PSMA3: variants seen among roughly 807,000 people sequenced by gnomAD.
PSMA3 encodes the protein proteasome subunit alpha type-3.
PSMA3 carries 8 observed loss-of-function variants against 40.0 expected under a neutral mutation model. That is an observed-to-expected ratio of 0.20 (90% CI 0.12 to 0.36). The LOEUF is 0.36. PSMA3 is among the 10% of genes least tolerant of loss of function. PSMA3 has a pLI of 1.00. For missense variants in PSMA3, 219 were observed against 310.6 expected, an observed-to-expected ratio of 0.70 and a Z score of 2.22; for synonymous variants, 110 against 100.0, an observed-to-expected ratio of 1.10 and a Z score of -0.59.
Position 58,257,733 on chromosome 14 carries a change from C to CA in PSMA3, c.229-12_229-11insA, listed in dbSNP as rs1566640513. On this transcript the variant is annotated splice_polypyrimidine_tract_variant and intron_variant, in intron 3 of 10. Coordinates refer to ENST00000216455, the MANE Select transcript of PSMA3 (RefSeq NM_002788.4). The stretch of plus-strand genomic sequence containing the variant: ...AATGTGTTCCTCTAGTAAATTGGTG[C>CA]TTTTTTTTCAGGCAGTAGCAGGTTT... 8 of 1,596,862 alleles carry CA rather than the reference C, an allele frequency of 5.0e-6. No homozygotes were observed.
intron 8 of PSMA3, chr14:58,268,903 G>A (rs535060972): frequency 3.9e-5 from 6 of 151,936 alleles, no homozygotes; most frequent in African/African-American, 1.4e-4. Flanking sequence ...CATAGTATTA[G>A]ATAAAGCTAT....
At chr14:58,268,176 C>T (rs1323227259) in intron 8 of PSMA3, 1 of 152,106 alleles carries the variant, frequency 6.6e-6, no homozygotes. Flanking sequence ...TTCTCTAGAT[C>T]AAAGAGTGTA....
intron 3 of PSMA3, among the ~76,000 whole-genome samples, chr14:58,253,698 A>G (rs1201350691): frequency 2.0e-5 from 3 of 152,084 alleles, no homozygotes; most frequent in Non-Finnish European, 2.9e-5. Flanking sequence ...GGTTCAAGCA[A>G]TTCTCCTGCC....
chr14:58,255,614 C>T (rs2140084993), intron 3 of PSMA3, among the ~76,000 whole-genome samples: 1 of 152,256 alleles, frequency 6.6e-6, no homozygotes, highest in Middle Eastern at 3.4e-3. Flanking sequence ...ACTAAAAACA[C>T]AAAAATTAGC....
At chr14:58,261,108 TAAA>T (rs113018196) in intron 6 of PSMA3, 88 bp downstream of exon 6, 3 of 898,448 alleles carry the variant, frequency 3.3e-6, no homozygotes, top group African/African-American at 3.6e-5. Flanking sequence ...TATATGAAAT[TAAA>T]AAAAAACTCA....
rs1454925582 is a variant in PSMA3 at position 58,270,441 on chromosome 14, T to A, written c.614T>A (p.Val205Asp). The part of the protein sequence containing the change: ...AKIIYIVHDE[V>D]KDKAFELELS... Reference sequence around the variant, plus strand: ...AGAATTTACATAGTACATGACGAAGTTAAGGATAAAGCTTTTGAACTAGAA... The same window carrying A: ...AGAATTTACATAGTACATGACGAAGATAAGGATAAAGCTTTTGAACTAGAA... The change falls in exon 9 of 11, where the codon GTT becomes GAT. Residue 205 changes from valine (V) to aspartate (D), a missense_variant. By Grantham distance (152) the Val-to-Asp change is radical. Transcript: ENST00000216455. 7 of 1,613,552 alleles carry A rather than the reference T, an allele frequency of 4.3e-6. No homozygotes were observed. Among genetic ancestry groups the A allele is most frequent in the Non-Finnish European group, 5.9e-6 (7 of 1,179,764 alleles).
At chr14:58,255,778 AG>A (rs1594826635) in intron 3 of PSMA3, among the ~76,000 whole-genome samples, 1 of 152,252 alleles carries the variant, frequency 6.6e-6, no homozygotes, top group Non-Finnish European at 1.5e-5. Flanking sequence ...TCAAAAAAAA[AG>A]ATATGCCACA....
intron 5 of PSMA3, among the ~76,000 whole-genome samples, chr14:58,259,313 T>G (rs367722097): frequency 6.6e-6 from 1 of 152,060 alleles, no homozygotes; most frequent in Admixed American, 6.6e-5. Flanking sequence ...ACTTTTTTTT[T>G]GTTTGTTTTG....
chr14:58,267,440 T>C, intron 7 of PSMA3, 34 bp from the exon 8 acceptor site: 1 of 1,473,416 alleles, frequency 6.8e-7, no homozygotes, highest in Non-Finnish European at 9.0e-7. Context: ...GAAAATGTTC[T>C]TCTGATGAAC....
intron 8 of PSMA3, chr14:58,270,196 T>C (rs1566645986): frequency 3.5e-6 from 2 of 578,770 alleles, no homozygotes; most frequent in Admixed American, 7.7e-5. Context: ...TTGGGTTGAT[T>C]AGGTATATTC....
At chr14:58,258,831 G>A (rs1193626919) in intron 5 of PSMA3, among the ~76,000 whole-genome samples, 1 of 151,784 alleles carries the variant, frequency 6.6e-6, no homozygotes, top group East Asian at 1.9e-4. Flanking sequence ...TAACATCTGA[G>A]TGCTCAGCTG....
chr14:58,263,173 CAG>C (rs895169372), intron 6 of PSMA3, among the ~76,000 whole-genome samples: 20 of 151,818 alleles, frequency 1.3e-4, no homozygotes, highest in African/African-American at 4.8e-4. Flanking sequence ...TTAGTAGAGA[CAG>C]GGTTTTACAA....
At chr14:58,247,653 T>C in intron 1 of PSMA3, 97 bp from the exon 2 acceptor site, 1 of 766,570 alleles carries the variant, frequency 1.3e-6, no homozygotes, top group East Asian at 2.5e-5. Flanking sequence ...TGTTGGGATA[T>C]AACAGGTTCC....
chr14:58,265,457 C>G (rs981505832), intron 7 of PSMA3: 3 of 152,290 alleles, frequency 2.0e-5, no homozygotes, highest in Admixed American at 2.0e-4. Context: ...GGCCCACTGC[C>G]TGCTTTTGTG....
At chr14:58,255,462 T>G (rs1890121941) in intron 3 of PSMA3, among the ~76,000 whole-genome samples, 1 of 152,150 alleles carries the variant, frequency 6.6e-6, no homozygotes, top group Non-Finnish European at 1.5e-5. Context: ...GACATTTTTC[T>G]CCAAACTTAG....
At chr14:58,247,617 C>T in intron 1 of PSMA3, 133 bp from the exon 2 acceptor site, 1 of 593,586 alleles carries the variant, frequency 1.7e-6, no homozygotes, top group Non-Finnish European at 3.0e-6. Context: ...ACAAGTTTCC[C>T]TTTCCTCTCT....
chr14:58,259,164 G>A (rs1890213760), intron 5 of PSMA3, among the ~76,000 whole-genome samples: 1 of 152,066 alleles, frequency 6.6e-6, no homozygotes, highest in South Asian at 2.1e-4. Context: ...TCATTCTTAA[G>A]CTTCTCAGTT....
chr14:58,256,475 C>T (rs531446129), intron 3 of PSMA3, among the ~76,000 whole-genome samples: 64 of 146,452 alleles, frequency 4.4e-4, no homozygotes, highest in Non-Finnish European at 8.9e-4. Context: ...AGTGCAGTGG[C>T]GCGATCTCGG....
At chr14:58,257,709 A>C (rs779427106) in intron 3 of PSMA3, 36 bp from the exon 4 acceptor site, 1 of 1,522,464 alleles carries the variant, frequency 6.6e-7, no homozygotes, top group South Asian at 1.1e-5. Flanking sequence ...TGTGATAGGA[A>C]TGTGTTCCTC....
Sources: gnomAD v4.1 joint callset for allele counts (sites outside exome capture counted in the v4.1 genomes callset) on GRCh38, gnomAD v4.1.1 for gene constraint, MANE v1.5 for transcripts, NCBI Gene and HGNC (gene_info 2026-07-23, HGNC 2026-07-21) for gene names.